GLDC: variants seen among roughly 807,000 people sequenced by gnomAD.
GLDC encodes the protein glycine decarboxylase, also known as glycine dehydrogenase (decarboxylating), mitochondrial.
Under a neutral mutation model 121.3 loss-of-function variants are expected in GLDC, and 104 were observed. The observed-to-expected ratio is 0.86, with a 90% CI of 0.73 to 1.01. The LOEUF (loss-of-function observed/expected upper bound fraction) is 1.01. Among genes scored for constraint, GLDC ranks in the 50% least tolerant of loss-of-function variants. The pLI is 0.00. For synonymous variants in GLDC, 546 were observed against 480.6 expected (o/e 1.14, Z -1.78); for missense variants, 1,429 against 1,306.6 (o/e 1.09, Z -1.44).
chr9:6,641,656 G>A (rs1236127725), intron 2 of GLDC, among the ~76,000 whole-genome samples: 1 of 152,030 alleles, frequency 6.6e-6, no homozygotes, highest in Non-Finnish European at 1.5e-5. Context: ...TTCCTCATAG[G>A]GTTGTAATAT....
At chr9:6,629,624 CACAT>C (rs924776224) in intron 2 of GLDC, among the ~76,000 whole-genome samples, 4 of 152,050 alleles carry the variant, frequency 2.6e-5, no homozygotes, top group Admixed American at 6.5e-5. Flanking sequence ...CACACACACA[CACAT>C]GCACACATTG....
At chr9:6,555,072 C>G in intron 18 of GLDC, 1 of 483,664 alleles carries the variant, frequency 2.1e-6, no homozygotes, top group Non-Finnish European at 3.8e-6. Flanking sequence ...ATTATCCACA[C>G]ACCACAAAGG....
rs1291133824 is a variant in GLDC, at chr9:6,639,668, AGTAT to A, written c.334+4942_334+4945del. ...ATATATCTTTTCACCATAAAAAAAA[AGTAT>A]ATATATATATATATATGGACAAAAC... On this transcript the variant is annotated intron_variant, in intron 2 of 24. Transcript: ENST00000321612. 3.7e-4 allele frequency: 92 copies of A among 250,552 alleles called. 2 individuals carry two copies. Among genetic ancestry groups the A allele is most frequent in the African/African-American group, 3.2e-3 (62 of 19,246 alleles). The allele number at this position is 250,552 out of a possible 1,614,324, so 15.5% of individuals were successfully genotyped here.
At chr9:6,640,200 T>A (rs143473976) in intron 2 of GLDC, among the ~76,000 whole-genome samples, 1 of 152,274 alleles carries the variant, frequency 6.6e-6, no homozygotes, top group African/African-American at 2.4e-5. Context: ...TTCTCTCATT[T>A]AGCTAATCTT....
Position 6,639,358 on chromosome 9 carries a change from C to T in GLDC, c.334+5256G>A, listed in dbSNP as rs1449795141. 10 of 940,436 alleles carry T rather than the reference C, an allele frequency of 1.1e-5. No individual in the cohort carries two copies. The Admixed American group carries it at 1.2e-4, about 11-fold the overall frequency. 58.3% of individuals were successfully genotyped at this position (940,436 alleles called of 1,614,324 possible). ...CGCCCCCAGGAGAAACAAGCTTGAC[C>T]ACTATGCTATCATCAAGTTTACGCT... is the stretch of plus-strand genomic sequence containing the variant. On this transcript the variant is annotated intron_variant, in intron 2 of 24. Transcript: ENST00000321612.
intron 15 of GLDC, among the ~76,000 whole-genome samples, chr9:6,571,153 C>T (rs557942968): frequency 1.3e-5 from 2 of 151,956 alleles, no homozygotes; most frequent in African/African-American, 4.8e-5. Flanking sequence ...GGCAAAGTAA[C>T]TGGAATAGCT....
At chr9:6,558,873 T>G (rs917076340) in intron 16 of GLDC, among the ~76,000 whole-genome samples, 189 bp from the exon 17 acceptor site, 3 of 152,222 alleles carry the variant, frequency 2.0e-5, no homozygotes, top group African/African-American at 7.2e-5. Flanking sequence ...CCAAAAAAAG[T>G]TTCCATATGA....
intron 16 of GLDC, among the ~76,000 whole-genome samples, chr9:6,559,352 T>C (rs975123710): frequency 6.6e-6 from 1 of 150,670 alleles, no homozygotes; most frequent in Non-Finnish European, 1.5e-5. Flanking sequence ...CCGTCTCTAG[T>C]AAAAATACAA....
chr9:6,589,180 A>T lies in GLDC; in HGVS notation c.1580+15T>A. 1 of 1,507,554 alleles carries T rather than the reference A, an allele frequency of 6.6e-7. No homozygotes were observed. 93.4% of individuals were successfully genotyped at this position (1,507,554 alleles called of 1,614,324 possible). On this transcript the variant is annotated intron_variant, in intron 12 of 24. Coordinates refer to ENST00000321612, the MANE Select transcript of GLDC (RefSeq NM_000170.3). Reference sequence around the variant, plus strand: ...CCAAAGCACAAAACGCAGAAGTCACACAAGACACACAAACCTGTTGAACAC... The same window carrying T: ...CCAAAGCACAAAACGCAGAAGTCACTCAAGACACACAAACCTGTTGAACAC...
intron 2 of GLDC, among the ~76,000 whole-genome samples, chr9:6,635,257 G>C (rs2129997528): frequency 6.6e-6 from 1 of 152,236 alleles, no homozygotes; most frequent in Admixed American, 6.5e-5. Context: ...TTCTACATCT[G>C]ACTCTCAATA....
Position 6,610,368 on chromosome 9 carries a change from A to G in GLDC, c.471-12T>C. 2.5e-6 allele frequency: 4 copies of G among 1,613,868 alleles called. No homozygotes were observed. The highest frequency in any genetic ancestry group is 2.5e-6 in the Non-Finnish European group (3 of 1,179,762). On this transcript the variant is annotated splice_polypyrimidine_tract_variant and intron_variant, in intron 3 of 24. Coordinates refer to ENST00000321612, the MANE Select transcript of GLDC (RefSeq NM_000170.3). ...TATACTGGGTGATCCTGCAAGGGAA[A>G]CAAAAGGTCTTGTCCAAACTGACTG...
intron 3 of GLDC, 78 bp from the exon 4 acceptor site, chr9:6,610,434 C>T (rs1288849822): frequency 7.1e-7 from 1 of 1,404,716 alleles, no homozygotes; most frequent in Non-Finnish European, 1.0e-6. Context: ...TTTCAGAATT[C>T]AGTACCTGAA....
intron 2 of GLDC, among the ~76,000 whole-genome samples, chr9:6,629,958 T>TATATATATATATATATGTATATATATA: frequency 2.5e-5 from 2 of 78,676 alleles, no homozygotes; most frequent in African/African-American, 6.1e-5. Flanking sequence ...TATATATATA[T>TATATATATATATATATGTATATATATA]TTTTTTTTTT....
chr9:6,622,283 T>A (rs922769455), intron 2 of GLDC, among the ~76,000 whole-genome samples: 5 of 150,430 alleles, frequency 3.3e-5, no homozygotes, highest in African/African-American at 1.2e-4. Flanking sequence ...CCTCTCCCTC[T>A]TTCCACGGGC....
intron 3 of GLDC, among the ~76,000 whole-genome samples, chr9:6,616,086 A>G (rs528119419): frequency 6.6e-6 from 1 of 152,336 alleles, no homozygotes; most frequent in Non-Finnish European, 1.5e-5. Context: ...GGCACAAGCC[A>G]CCATGCCTGG....
intron 2 of GLDC, among the ~76,000 whole-genome samples, chr9:6,621,186 C>G (rs1819085536): frequency 6.6e-6 from 1 of 151,792 alleles, no homozygotes; most frequent in Non-Finnish European, 1.5e-5. Flanking sequence ...AAAACAAAAG[C>G]AAAAAAACAC....
intron 15 of GLDC, among the ~76,000 whole-genome samples, chr9:6,586,022 G>A (rs184174510): frequency 5.3e-5 from 8 of 152,218 alleles, no homozygotes; most frequent in East Asian, 1.9e-4. Context: ...TAGGCCAGGC[G>A]TGGTGGCTCA....
In GLDC at chr9:6,592,833, A is replaced by G. The variant is rs1421123921; in HGVS notation, c.1401+18T>C. 1 of 1,610,194 alleles carries G rather than the reference A, an allele frequency of 6.2e-7. No individual in the cohort carries two copies. The highest frequency in any genetic ancestry group is 8.5e-7 in the Non-Finnish European group (1 of 1,178,056). ...GAAAATTTGAAAAACTGGTAAAAAT[A>G]CTGAAAATTTGACTTACTGTGCCAT... On this transcript the variant is annotated intron_variant, in intron 10 of 24. Coordinates refer to ENST00000321612, the MANE Select transcript of GLDC (RefSeq NM_000170.3).
intron 6 of GLDC, 102 bp from the exon 7 acceptor site, chr9:6,604,886 G>A: frequency 2.0e-6 from 2 of 1,020,426 alleles, no homozygotes; most frequent in South Asian, 2.6e-5. Context: ...GGCAGAGTGT[G>A]TTCACATCCT....
Sources: gnomAD v4.1 joint callset for allele counts (sites outside exome capture counted in the v4.1 genomes callset) on GRCh38, gnomAD v4.1.1 for gene constraint, MANE v1.5 for transcripts, NCBI Gene and HGNC (gene_info 2026-07-23, HGNC 2026-07-21) for gene names.